PXDC1: variants seen among roughly 807,000 people sequenced by gnomAD.
PXDC1 encodes PX domain containing 1.
Under a neutral mutation model 24.4 loss-of-function variants are expected in PXDC1, and 13 were observed. The ratio of observed to expected loss-of-function variants is 0.53; its 90% CI spans 0.35 to 0.85. PXDC1 has a LOEUF of 0.85. PXDC1 is among the 40% of genes least tolerant of loss of function. The pLI, the probability that PXDC1 is intolerant of heterozygous loss-of-function variation, is 0.01. For synonymous variants in PXDC1, 162 were observed against 124.9 expected (o/e 1.30, Z -1.98); for missense variants, 344 against 309.3 (o/e 1.11, Z -0.84).
rs1760728497 is a variant in PXDC1 at position 3,751,631 on chromosome 6, G to A, written c.-100C>T. The stretch of plus-strand genomic sequence containing the variant: ...GGTCGTCCCGGGTCTGTCCGTGGCC[G>A]GGGTCGTCCGGGGTCGGCCCGTCAC... On this transcript the variant is annotated 5_prime_UTR_variant, in exon 1 of 5. Transcript: ENST00000380283. The A allele has an allele frequency of 7.5e-7, 1 of 1,341,962 alleles. No homozygotes were observed. The highest frequency in any genetic ancestry group is 1.9e-5 in the South Asian group (1 of 54,020). 83.1% of individuals were successfully genotyped at this position (1,341,962 alleles called of 1,614,324 possible).
intron 3 of PXDC1, among the ~76,000 whole-genome samples, chr6:3,736,279 G>A (rs1467969386): frequency 2.6e-5 from 4 of 152,046 alleles, no homozygotes; most frequent in Non-Finnish European, 5.9e-5. Flanking sequence ...CGGAATGATG[G>A]ACACAGGCCC....
intron 1 of PXDC1, among the ~76,000 whole-genome samples, chr6:3,738,515 AG>A (rs1561736247): frequency 1.3e-5 from 2 of 152,226 alleles, no homozygotes; most frequent in Non-Finnish European, 2.9e-5. Context: ...GGCTACAGTC[AG>A]GGGTGCTGGC....
At chr6:3,742,267 T>C (rs934981067) in intron 1 of PXDC1, among the ~76,000 whole-genome samples, 2 of 152,250 alleles carry the variant, frequency 1.3e-5, no homozygotes, top group African/African-American at 4.8e-5. Flanking sequence ...GGCTTCCAAA[T>C]GGCTAGTGGA....
chr6:3,750,926 C>A (rs1337970068), intron 1 of PXDC1, among the ~76,000 whole-genome samples: 1 of 151,988 alleles, frequency 6.6e-6, no homozygotes, highest in Non-Finnish European at 1.5e-5. Context: ...GGGCAGGGGG[C>A]TAGGGCCGGG....
chr6:3,749,253 C>T (rs949999255), intron 1 of PXDC1, among the ~76,000 whole-genome samples: 11 of 151,704 alleles, frequency 7.3e-5, no homozygotes, highest in East Asian at 3.9e-4. Flanking sequence ...AACAGTTCCA[C>T]GGTGTGCTGT....
In PXDC1 at chr6:3,737,006, A is replaced by G; in HGVS notation, c.466+73T>C. Reference sequence around the variant, plus strand: ...TGTGGCCCAGCCTCAGAGACAGCCAACTGTGAGGGTTTCTGTGACATCTCA... The same window carrying G: ...TGTGGCCCAGCCTCAGAGACAGCCAGCTGTGAGGGTTTCTGTGACATCTCA... On this transcript the variant is annotated intron_variant, in intron 3 of 4. Coordinates refer to ENST00000380283, the MANE Select transcript of PXDC1 (RefSeq NM_183373.4). The surrounding 1 kb of genome is among the most constrained non-coding windows in gnomAD (Gnocchi z 5.5). 2.2e-6 allele frequency: 2 copies of G among 896,414 alleles called. No homozygotes were observed. Among genetic ancestry groups the G allele is most frequent in the African/African-American group, 1.6e-5 (1 of 61,222 alleles). 55.5% of individuals were successfully genotyped at this position (896,414 alleles called of 1,614,324 possible). A position where few individuals can be genotyped will look rare whatever the true frequency, so the allele number is the denominator to read the frequency against.
intron 1 of PXDC1, among the ~76,000 whole-genome samples, chr6:3,745,454 T>A (rs1760546485): frequency 2.0e-5 from 3 of 152,266 alleles, no homozygotes; most frequent in African/African-American, 7.2e-5. Context: ...ATTACTGCTA[T>A]AGCATCAACA....
intron 1 of PXDC1, among the ~76,000 whole-genome samples, chr6:3,748,385 G>A (rs528210825): frequency 2.0e-5 from 3 of 152,198 alleles, no homozygotes; most frequent in Admixed American, 1.3e-4. Context: ...GGGGAGAGAG[G>A]ACAGAAGCTG....
At chr6:3,750,755 G>A (rs1007487718) in intron 1 of PXDC1, among the ~76,000 whole-genome samples, 19 of 152,258 alleles carry the variant, frequency 1.2e-4, no homozygotes, top group African/African-American at 4.3e-4. Context: ...AGGGACGGAA[G>A]GGCTGCGTGG....
intron 1 of PXDC1, among the ~76,000 whole-genome samples, chr6:3,740,817 G>A (rs186030810): frequency 3.3e-5 from 5 of 152,344 alleles, no homozygotes; most frequent in East Asian, 1.9e-4. Context: ...CTGTGGGTTC[G>A]GAAAGCCCAT....
chr6:3,750,371 G>C (rs115443395), intron 1 of PXDC1, among the ~76,000 whole-genome samples: 2,581 of 152,244 alleles, frequency 0.017, 82 homozygotes, highest in African/African-American at 0.059. Context: ...ACCCATGGAG[G>C]GGGGTGGGAC....
chr6:3,751,514 A>C lies in PXDC1; in HGVS notation c.18T>G (p.Phe6Leu). Residue 6 changes from phenylalanine to leucine, a missense_variant, in exon 1 of 5, where the codon TTT becomes TTG. Coordinates refer to ENST00000380283, the MANE Select transcript of PXDC1 (RefSeq NM_183373.4). ...ACATGTTCACGAGCGACGTGCCCTC[A>C]AACACCGCCGAGGCCATGTCGCACG... MASAVFEGTSLVNMFV... is the reference protein window; with the variant it reads MASAVLEGTSLVNMFV... The C allele has an allele frequency of 6.3e-7, 1 of 1,596,054 alleles. No individual in the cohort carries two copies. The highest frequency in any genetic ancestry group is 8.5e-7 in the Non-Finnish European group (1 of 1,173,696).
In PXDC1 at chr6:3,725,510, C is replaced by T. The variant is rs1279644142; in HGVS notation, c.579-1774G>A. Among the ~76,000 whole-genome samples the T allele has an allele frequency of 6.6e-6, 1 of 152,230 alleles. No homozygotes were observed. Among genetic ancestry groups the T allele is most frequent in the Non-Finnish European group, 1.5e-5 (1 of 68,030 alleles). ...CTCTGGGCCCTGGCACTGGTGCCCACTTGCCCCTGGGGCCAGACTCGGGGC... is the reference window on the plus strand; with the variant it reads ...CTCTGGGCCCTGGCACTGGTGCCCATTTGCCCCTGGGGCCAGACTCGGGGC... On this transcript the variant is annotated intron_variant, in intron 4 of 4. Transcript: ENST00000380283. This position sits in a 1 kb window ranked among gnomAD's most constrained non-coding sequence, Gnocchi z 4.8.
intron 1 of PXDC1, among the ~76,000 whole-genome samples, chr6:3,743,472 T>A (rs1760494947): frequency 6.6e-6 from 1 of 152,168 alleles, no homozygotes. Context: ...CCTCATCTTG[T>A]ATGCTGCACG....
Position 3,729,345 on chromosome 6 carries a change from C to A in PXDC1, c.467-1683G>T, listed in dbSNP as rs189082954. Among the ~76,000 whole-genome samples, 38 of 152,300 alleles carry A rather than the reference C, an allele frequency of 2.5e-4. No individual in the cohort carries two copies. In the East Asian group the frequency reaches 6.8e-3, roughly 27 times the overall value. On this transcript the variant is annotated intron_variant, in intron 3 of 4. Transcript: ENST00000380283. ...AAGAGAAACAGATTTCCTCCTCGCC[C>A]CCCATAGGATCAAAATGTCGATTCA...
Position 3,722,768 on chromosome 6 carries a change from C to G in PXDC1, c.*851G>C, listed in dbSNP as rs1759968527. ...GAAGCTTGAAGAACGGGGATCCTCTCCTGTGGGCAGGGGAGCCCCAGCTTC... is the reference window on the plus strand; with the variant it reads ...GAAGCTTGAAGAACGGGGATCCTCTGCTGTGGGCAGGGGAGCCCCAGCTTC... On this transcript the variant is annotated 3_prime_UTR_variant, in exon 5 of 5. Coordinates refer to ENST00000380283, the MANE Select transcript of PXDC1 (RefSeq NM_183373.4). The G allele has an allele frequency of 6.5e-6, 1 of 152,768 alleles. No homozygotes were observed. The highest frequency in any genetic ancestry group is 6.5e-5 in the Admixed American group (1 of 15,308). 9.5% of individuals were successfully genotyped at this position (152,768 alleles called of 1,614,324 possible). A position where few individuals can be genotyped will look rare whatever the true frequency, so the allele number is the denominator to read the frequency against.
chr6:3,751,073 C>CCAGGCTGGG (rs1161084295), intron 1 of PXDC1: 8 of 492,916 alleles, frequency 1.6e-5, no homozygotes, highest in Non-Finnish European at 2.8e-5. Flanking sequence ...GGGGGCGCCC[C>CCAGGCTGGG]CAGGCTGGGC....
chr6:3,751,481 G>A lies in PXDC1; in HGVS notation c.51C>T (p.Arg17=). 5 of 1,604,344 alleles carry A rather than the reference G, an allele frequency of 3.1e-6. No individual in the cohort carries two copies. Among genetic ancestry groups the A allele is most frequent in the Non-Finnish European group, 4.2e-6 (5 of 1,176,828 alleles). ...EGTSLVNMFV[R]GCWVNGIRRL... is the part of the protein sequence containing the mutation. ...TGCGGATGCCGTTCACCCAGCAGCC[G>A]CGCACGAACATGTTCACGAGCGACG... The change falls in exon 1 of 5, where the codon CGC becomes CGT. Residue 17 remains arginine, a synonymous_variant. Coordinates refer to ENST00000380283, the MANE Select transcript of PXDC1 (RefSeq NM_183373.4).
rs1385099638 is a variant in PXDC1 at position 3,739,453 on chromosome 6, C to G, written c.257-1305G>C. ...GCAGTGGGGCTATCTGATCCTGCCC[C>G]CTCCACTGACCTCAGCCACACAGGC... is the stretch of plus-strand genomic sequence containing the variant. On this transcript the variant is annotated intron_variant, in intron 1 of 4. Transcript: ENST00000380283. Among the ~76,000 whole-genome samples the G allele has an allele frequency of 4.6e-5, 7 of 152,246 alleles. No individual in the cohort carries two copies. In the East Asian group the frequency reaches 1.3e-3, roughly 29 times the overall value.
Sources: allele counts gnomAD v4.1 joint callset (sites outside exome capture counted in the v4.1 genomes callset), GRCh38; gene constraint gnomAD v4.1.1; non-coding constraint Gnocchi (gnomAD v3.1); transcripts MANE v1.5; gene names NCBI Gene and HGNC (gene_info 2026-07-23, HGNC 2026-07-21).